RNF152: variants seen among roughly 807,000 people sequenced by gnomAD.
RNF152 encodes ring finger protein 152.
A neutral mutation model predicts 12.7 loss-of-function variants in RNF152; 11 were observed. The ratio of observed to expected loss-of-function variants is 0.86; its 90% CI spans 0.54 to 1.43. The LOEUF is 1.43. RNF152 is among the 40% of genes most tolerant of loss of function. RNF152 has a pLI of 0.00. For missense variants in RNF152, 255 were observed against 274.8 expected (o/e 0.93, Z 0.51); for synonymous variants, 113 against 120.3 (o/e 0.94, Z 0.40).
intron 1 of RNF152, among the ~76,000 whole-genome samples, chr18:61,875,357 T>C (rs1379190667): frequency 3.9e-5 from 6 of 152,244 alleles, no homozygotes; most frequent in African/African-American, 1.2e-4. Flanking sequence ...GAATAATAAA[T>C]ATAAGTTAAG....
intron 1 of RNF152, among the ~76,000 whole-genome samples, chr18:61,883,222 A>C (rs987662579): frequency 2.0e-5 from 3 of 152,204 alleles, no homozygotes; most frequent in Non-Finnish European, 2.9e-5. Flanking sequence ...TTTCTGAAGA[A>C]TAAATTGATG....
At chr18:61,851,425 G>C (rs150208668) in intron 1 of RNF152, among the ~76,000 whole-genome samples, 1 of 151,440 alleles carries the variant, frequency 6.6e-6, no homozygotes, top group African/African-American at 2.4e-5. Flanking sequence ...CCAAGCGCCT[G>C]AGCTGCCCCA....
intron 1 of RNF152, among the ~76,000 whole-genome samples, chr18:61,843,255 T>C (rs1356551546): frequency 6.6e-6 from 1 of 152,214 alleles, no homozygotes; most frequent in Non-Finnish European, 1.5e-5. Context: ...GAAATGACTA[T>C]GGTCAATGGT....
rs140149548 is a variant in RNF152 at position 61,850,178 on chromosome 18, G to A, written c.-135-33580C>T. Among the ~76,000 whole-genome samples, 12 of 152,328 alleles carry A rather than the reference G, an allele frequency of 7.9e-5. No individual in the cohort carries two copies. The East Asian group carries it at 1.3e-3, about 17-fold the overall frequency. On this transcript the variant is annotated intron_variant, in intron 1 of 1. Transcript: ENST00000312828. ...CCTTCCACTGACAAGCTGCTTGAAC[G>A]TGGGCAAGTTATCTAACCTTGTTAT...
chr18:61,837,502 G>T (rs1910241267), intron 1 of RNF152, among the ~76,000 whole-genome samples: 1 of 152,180 alleles, frequency 6.6e-6, no homozygotes, highest in South Asian at 2.1e-4. Context: ...AAGATGAAAT[G>T]TTAAGACTGC....
At chr18:61,830,788 T>A (rs563785063) in intron 1 of RNF152, among the ~76,000 whole-genome samples, 2 of 152,082 alleles carry the variant, frequency 1.3e-5, no homozygotes, top group Admixed American at 6.5e-5. Flanking sequence ...GATCCCTGAT[T>A]TCTCAGTGAG....
rs1027163842 is a variant in RNF152, at chr18:61,892,847, G to A, written c.-188C>T. On this transcript the variant is annotated 5_prime_UTR_variant, in exon 1 of 2. Coordinates refer to ENST00000312828, the MANE Select transcript of RNF152 (RefSeq NM_173557.3). Reference sequence around the variant, plus strand: ...CCCTTCTGCGTGATGACATCAAGTGGAAATGGTACACGTTTAGGAGGCAAG... The same window carrying A: ...CCCTTCTGCGTGATGACATCAAGTGAAAATGGTACACGTTTAGGAGGCAAG... The A allele has an allele frequency of 4.6e-5, 7 of 152,198 alleles. No homozygotes were observed. The highest frequency in any genetic ancestry group is 1.7e-4 in the African/African-American group (7 of 41,418). 9.4% of individuals were successfully genotyped at this position (152,198 alleles called of 1,614,324 possible).
At chr18:61,861,326 T>C (rs1399502065) in intron 1 of RNF152, among the ~76,000 whole-genome samples, 1 of 152,240 alleles carries the variant, frequency 6.6e-6, no homozygotes, top group Non-Finnish European at 1.5e-5. Context: ...TCTTCCATGT[T>C]TGCATAAACA....
intron 1 of RNF152, among the ~76,000 whole-genome samples, chr18:61,853,107 G>A (rs1288056001): frequency 6.6e-6 from 1 of 152,106 alleles, no homozygotes; most frequent in Non-Finnish European, 1.5e-5. Context: ...ACTGGGATAG[G>A]CAAGTTTATT....
chr18:61,859,392 C>A (rs28571780), intron 1 of RNF152, among the ~76,000 whole-genome samples: 61 of 152,294 alleles, frequency 4.0e-4, no homozygotes, highest in African/African-American at 1.5e-3. Context: ...GTTCCCAGGG[C>A]TCCCAACACA....
intron 1 of RNF152, among the ~76,000 whole-genome samples, chr18:61,846,100 C>A (rs942458410): frequency 6.6e-5 from 10 of 152,114 alleles, no homozygotes; most frequent in Non-Finnish European, 1.3e-4. Context: ...GACTTCCCAG[C>A]CTCCAGAACT....
chr18:61,826,356 A>G (rs1170335551), intron 1 of RNF152, among the ~76,000 whole-genome samples: 1 of 152,192 alleles, frequency 6.6e-6, no homozygotes, highest in Non-Finnish European at 1.5e-5. Flanking sequence ...CAAAGAAGAC[A>G]GAAAGACCAC....
chr18:61,867,619 CTG>C (rs1911800292), intron 1 of RNF152, among the ~76,000 whole-genome samples: 1 of 152,072 alleles, frequency 6.6e-6, no homozygotes, highest in Admixed American at 6.5e-5. Flanking sequence ...ATTGATGAAA[CTG>C]TTATGGCAAC....
chr18:61,875,529 G>A (rs1446051995), intron 1 of RNF152, among the ~76,000 whole-genome samples: 1 of 152,142 alleles, frequency 6.6e-6, no homozygotes, highest in African/African-American at 2.4e-5. Context: ...GTGGCAAGGT[G>A]TTTAAGCCTC....
intron 1 of RNF152, among the ~76,000 whole-genome samples, chr18:61,856,059 G>A (rs1466775958): frequency 2.6e-5 from 4 of 152,144 alleles, no homozygotes; most frequent in Non-Finnish European, 5.9e-5. Flanking sequence ...AGTTCTCTGG[G>A]TGTCAGGGTT....
intron 1 of RNF152, among the ~76,000 whole-genome samples, chr18:61,880,711 CATT>C (rs1912424901): frequency 6.6e-6 from 1 of 152,176 alleles, no homozygotes; most frequent in Non-Finnish European, 1.5e-5. Context: ...TTTTGTAAAA[CATT>C]ATTAATAATA....
At chr18:61,867,374 C>T (rs1403514753) in intron 1 of RNF152, among the ~76,000 whole-genome samples, 1 of 151,890 alleles carries the variant, frequency 6.6e-6, no homozygotes, top group Non-Finnish European at 1.5e-5. Flanking sequence ...ATCACTTGAA[C>T]CTGGGAGGCA....
intron 1 of RNF152, among the ~76,000 whole-genome samples, chr18:61,877,780 T>C (rs1021578759): frequency 2.0e-5 from 3 of 152,228 alleles, no homozygotes; most frequent in Non-Finnish European, 4.4e-5. Flanking sequence ...TTGGAATCTC[T>C]ATTTTTACTC....
At chr18:61,875,956 C>T (rs1221283423) in intron 1 of RNF152, among the ~76,000 whole-genome samples, 5 of 152,146 alleles carry the variant, frequency 3.3e-5, no homozygotes, top group African/African-American at 4.8e-5. Flanking sequence ...CATCCTCCTC[C>T]AGTCCCCAAA....
Sources: allele counts gnomAD v4.1 joint callset (sites outside exome capture counted in the v4.1 genomes callset), GRCh38; gene constraint gnomAD v4.1.1; transcripts MANE v1.5; gene names NCBI Gene and HGNC (gene_info 2026-07-23, HGNC 2026-07-21).